HDAC9: variants seen among roughly 807,000 people sequenced by gnomAD.
HDAC9 encodes histone deacetylase 9.
Under a neutral mutation model 139.4 loss-of-function variants are expected in HDAC9, and 41 were observed. The observed-to-expected ratio is 0.29, with a 90% confidence interval of 0.23 to 0.38. The LOEUF is 0.38. HDAC9 is among the 10% of genes least tolerant of loss of function. The pLI, the probability that HDAC9 is intolerant of heterozygous loss-of-function variation, is 1.00. For missense variants in HDAC9, 1,147 were observed against 1,297.0 expected, an observed-to-expected ratio of 0.88 and a Z score of 1.78; for synonymous variants, 517 against 476.2, an observed-to-expected ratio of 1.09 and a Z score of -1.12.
chr7:18,385,002 G>A (rs1246132294), intron 1 of HDAC9, among the ~76,000 whole-genome samples: 1 of 152,108 alleles, frequency 6.6e-6, no homozygotes, highest in Non-Finnish European at 1.5e-5. Context: ...TTTACCTTTT[G>A]CAAATGTGAG....
At chr7:18,155,126 C>G (rs1415446849) in intron 1 of HDAC9, among the ~76,000 whole-genome samples, 3 of 144,738 alleles carry the variant, frequency 2.1e-5, no homozygotes, top group Non-Finnish European at 4.5e-5. Flanking sequence ...TTTGCCATGA[C>G]TGAAAAGAAG....
At chr7:18,286,700 T>C (rs942087914), upstream of HDAC9, among the ~76,000 whole-genome samples, 3 of 152,002 alleles carry the variant, frequency 2.0e-5, no homozygotes, top group Non-Finnish European at 4.4e-5. Flanking sequence ...ATAAAATAAT[T>C]TTATTGAATT....
At chr7:18,411,323 C>T (rs186181789) in intron 1 of HDAC9, among the ~76,000 whole-genome samples, 1 of 152,262 alleles carries the variant, frequency 6.6e-6, no homozygotes, top group African/African-American at 2.4e-5. Context: ...AATACACAAT[C>T]ATTCTGTGTT....
At chr7:18,489,477 C>A (rs1250540705) in intron 1 of HDAC9, among the ~76,000 whole-genome samples, 2 of 151,816 alleles carry the variant, frequency 1.3e-5, no homozygotes, top group Non-Finnish European at 2.9e-5. Context: ...TTATAACAAT[C>A]CTGAGAAATT....
chr7:18,345,460 C>T (rs919164177), intron 1 of HDAC9, among the ~76,000 whole-genome samples: 2 of 151,738 alleles, frequency 1.3e-5, no homozygotes, highest in Non-Finnish European at 2.9e-5. Flanking sequence ...ATTCTCCTAG[C>T]CAACCACACA....
intron 2 of HDAC9, among the ~76,000 whole-genome samples, chr7:18,531,716 A>G (rs527775724): frequency 1.8e-3 from 278 of 152,030 alleles, no homozygotes; most frequent in Non-Finnish European, 3.2e-3. Context: ...TAACTATACA[A>G]TGTAGTTCGG....
At chr7:18,926,274 G>A (rs1470397529) in intron 22 of HDAC9, among the ~76,000 whole-genome samples, 2 of 152,076 alleles carry the variant, frequency 1.3e-5, no homozygotes, top group Non-Finnish European at 1.5e-5. Context: ...TTTGGGCCCT[G>A]TAATTTTAGG....
At chr7:18,719,617 G>T (rs1162239561) in intron 12 of HDAC9, among the ~76,000 whole-genome samples, 3 of 152,120 alleles carry the variant, frequency 2.0e-5, no homozygotes, top group African/African-American at 7.2e-5. Flanking sequence ...TGGGATTACA[G>T]GTGTGAACCA....
intron 11 of HDAC9, among the ~76,000 whole-genome samples, chr7:18,653,057 A>G (rs1584626946): frequency 6.6e-6 from 1 of 151,782 alleles, no homozygotes; most frequent in Admixed American, 6.6e-5. Flanking sequence ...ACCAACATGG[A>G]GAAACCCCGT....
chr7:18,870,362 C>A (rs1335417897), intron 21 of HDAC9, among the ~76,000 whole-genome samples: 1 of 152,134 alleles, frequency 6.6e-6, no homozygotes, highest in Non-Finnish European at 1.5e-5. Flanking sequence ...ATACTGGTCA[C>A]TTATTTTGTC....
intron 1 of HDAC9, among the ~76,000 whole-genome samples, chr7:18,291,784 G>C (rs1192064342): frequency 6.6e-6 from 1 of 152,128 alleles, no homozygotes; most frequent in African/African-American, 2.4e-5. Context: ...ATCTGAGGTT[G>C]TCTTGCCCAC....
At chr7:18,631,690 C>T (rs1017045393) in intron 7 of HDAC9, among the ~76,000 whole-genome samples, 2 of 151,810 alleles carry the variant, frequency 1.3e-5, no homozygotes, top group South Asian at 2.1e-4. Flanking sequence ...GTATTTTCTG[C>T]CCCCTACAAA....
Position 18,835,497 on chromosome 7 carries a change from G to T in HDAC9, c.2497G>T (p.Ala833Ser). ...TCACCATGGAAACGGTACCCAGCAGGCCTTTTATGCTGACCCCAGCATCCT... is the reference window on the plus strand; with the variant it reads ...TCACCATGGAAACGGTACCCAGCAGTCCTTTTATGCTGACCCCAGCATCCT... The part of the protein sequence containing the change: ...DVHHGNGTQQ[A>S]FYADPSILYI... Residue 833 changes from alanine to serine, a missense_variant, in exon 20 of 26, where the codon GCC (alanine) becomes TCC (serine). Ala to Ser is a moderately conservative substitution (Grantham distance 99). Transcript: ENST00000686413. 1 of 1,613,596 alleles carries T rather than the reference G, an allele frequency of 6.2e-7. No homozygotes were observed. The highest frequency in any genetic ancestry group is 8.5e-7 in the Non-Finnish European group (1 of 1,179,638).
intron 2 of HDAC9, among the ~76,000 whole-genome samples, chr7:18,225,851 CAT>C (rs1793018625): frequency 6.6e-6 from 1 of 152,026 alleles, no homozygotes; most frequent in Non-Finnish European, 1.5e-5. Flanking sequence ...TTTAAAATAA[CAT>C]ATTTAAACAT....
chr7:18,157,259 G>T (rs1787281994), intron 1 of HDAC9, among the ~76,000 whole-genome samples: 1 of 152,148 alleles, frequency 6.6e-6, no homozygotes, highest in Non-Finnish European at 1.5e-5. Flanking sequence ...TGTTCATTCT[G>T]AGTAGCCTGT....
intron 12 of HDAC9, chr7:18,667,840 C>T (rs1345816924): frequency 8.1e-6 from 8 of 983,938 alleles, no homozygotes; most frequent in Non-Finnish European, 9.7e-6. Context: ...TTCATATTCC[C>T]TTTTGATATG....
chr7:18,949,429 A>G, intron 23 of HDAC9: 1 of 241,146 alleles, frequency 4.1e-6, no homozygotes. Context: ...CTGCCCATTA[A>G]TATGCACTGG....
At chr7:18,602,079 C>A (rs925161017) in intron 6 of HDAC9, among the ~76,000 whole-genome samples, 2 of 152,042 alleles carry the variant, frequency 1.3e-5, no homozygotes, top group African/African-American at 4.8e-5. Flanking sequence ...CTAGTGAAAC[C>A]ATTTGGACCT....
chr7:18,534,361 T>A (rs1170211189), intron 2 of HDAC9, among the ~76,000 whole-genome samples: 1 of 151,968 alleles, frequency 6.6e-6, no homozygotes, highest in Non-Finnish European at 1.5e-5. Flanking sequence ...GACAACACGG[T>A]GTGACCCTGT....
Sources: allele counts gnomAD v4.1 joint callset (sites outside exome capture counted in the v4.1 genomes callset), GRCh38; gene constraint gnomAD v4.1.1; transcripts MANE v1.5; gene names NCBI Gene and HGNC (gene_info 2026-07-23, HGNC 2026-07-21).